Variants in POU3F3 observed in about 807,000 individuals in gnomAD.
The protein encoded by POU3F3 is POU domain, class 3, transcription factor 3.
In POU3F3, 1 loss-of-function variant was observed where a neutral mutation model predicts 8.6. That is an observed-to-expected ratio of 0.12 (90% CI 0.04 to 0.55). The LOEUF (loss-of-function observed/expected upper bound fraction) is 0.55, where lower values mean the gene tolerates loss of function less well. Among genes scored for constraint, POU3F3 ranks in the 20% least tolerant of loss-of-function variants. POU3F3 has a pLI of 0.91. For synonymous variants in POU3F3, 418 were observed against 327.4 expected (o/e 1.28, Z -2.99); for missense variants, 577 against 690.7 (o/e 0.84, Z 1.84).
the POU3F3 span, among the ~76,000 whole-genome samples, chr2:104,897,466 G>C: frequency 6.6e-6 from 1 of 152,064 alleles, no homozygotes; most frequent in Admixed American, 6.6e-5. Context: ...CTGCAATAGT[G>C]AGAAGAAGGA....
Position 104,855,576 on chromosome 2 carries a change from G to T in POU3F3, c.66G>T (p.Val22=). The change falls in exon 1 of 1, where the codon GTG becomes GTT. Residue 22 remains valine, a synonymous_variant. Transcript: ENST00000361360. ...GCCTGCTCGCGGCCGGCTCTATTGTGCACTCGGACGCGGCAGGGGCTGGCG... is the reference window on the plus strand; with the variant it reads ...GCCTGCTCGCGGCCGGCTCTATTGTTCACTCGGACGCGGCAGGGGCTGGCG... ...GNSLLAAGSI[V]HSDAAGAGGG... 1.0e-6 allele frequency: 1 copy of T among 1,002,976 alleles called. No homozygotes were observed. The highest frequency in any genetic ancestry group is 1.2e-6 in the Non-Finnish European group (1 of 844,274). 62.1% of individuals were successfully genotyped at this position (1,002,976 alleles called of 1,614,324 possible). A position where few individuals can be genotyped will look rare whatever the true frequency, so the allele number is the denominator to read the frequency against.
chr2:104,920,846 C>A, the POU3F3 span, among the ~76,000 whole-genome samples: 1 of 152,146 alleles, frequency 6.6e-6, no homozygotes, highest in Admixed American at 6.5e-5. Flanking sequence ...CTATGTAGCT[C>A]TGCGCCATTA....
chr2:104,910,560 T>C, the POU3F3 span, among the ~76,000 whole-genome samples: 3 of 152,140 alleles, frequency 2.0e-5, no homozygotes, highest in Admixed American at 2.0e-4. Flanking sequence ...GAGGGTTAAT[T>C]GAGAGATGAT....
chr2:104,913,727 C>T, the POU3F3 span, among the ~76,000 whole-genome samples: 1 of 152,206 alleles, frequency 6.6e-6, no homozygotes, highest in African/African-American at 2.4e-5. Context: ...AACACACATA[C>T]AGAAAACGTA....
chr2:104,853,903 G>C (rs1186202749), upstream of POU3F3: 1 of 151,914 alleles, frequency 6.6e-6, no homozygotes, highest in Non-Finnish European at 1.5e-5. Flanking sequence ...AGGGAGGCTG[G>C]AGGACGACAG....
the POU3F3 span, among the ~76,000 whole-genome samples, chr2:104,897,299 A>G: frequency 1.3e-5 from 2 of 152,154 alleles, no homozygotes; most frequent in African/African-American, 4.8e-5. Flanking sequence ...CTTTATTCCT[A>G]CAGAAGCTGC....
Position 104,854,539 on chromosome 2 carries a change from T to A in POU3F3, c.-972T>A, listed in dbSNP as rs1454397674. ...TTCCTGTTCAATTTTTTCCTTGTTA[T>A]ATTTGTTTCCTAATTTCTGCCCAAA... On this transcript the variant is annotated 5_prime_UTR_variant, in exon 1 of 1. Transcript: ENST00000361360. This position sits in a 1 kb window ranked among gnomAD's most constrained non-coding sequence, Gnocchi z 4.5. 6.6e-6 allele frequency among the ~76,000 whole-genome samples: 1 copy of A among 152,212 alleles called. No homozygotes were observed. The highest frequency in any genetic ancestry group is 2.4e-5 in the African/African-American group (1 of 41,448).
chr2:104,917,066 A>G, the POU3F3 span, among the ~76,000 whole-genome samples: 9 of 152,202 alleles, frequency 5.9e-5, no homozygotes, highest in Non-Finnish European at 1.3e-4. Flanking sequence ...TTCTGCCCTC[A>G]GTCACCGGTG....
the POU3F3 span, among the ~76,000 whole-genome samples, chr2:104,914,476 T>G: frequency 6.6e-6 from 1 of 152,196 alleles, no homozygotes; most frequent in Non-Finnish European, 1.5e-5. Flanking sequence ...GACTTCTTTT[T>G]TATGAGGACA....
chr2:104,920,967 C>T, the POU3F3 span, among the ~76,000 whole-genome samples: 1 of 152,180 alleles, frequency 6.6e-6, no homozygotes, highest in Non-Finnish European at 1.5e-5. Flanking sequence ...AGATCCTGAT[C>T]CACACCTCCT....
chr2:104,921,119 G>C, the POU3F3 span, among the ~76,000 whole-genome samples: 1 of 152,172 alleles, frequency 6.6e-6, no homozygotes, highest in Non-Finnish European at 1.5e-5. Flanking sequence ...GAGAGGTCTA[G>C]TACTAAGAGA....
Position 104,854,883 on chromosome 2 carries a change from A to G in POU3F3, c.-628A>G, listed in dbSNP as rs1354032267. On this transcript the variant is annotated 5_prime_UTR_variant, in exon 1 of 1. Transcript: ENST00000361360. This position sits in a 1 kb window ranked among gnomAD's most constrained non-coding sequence, Gnocchi z 4.5. Reference sequence around the variant, plus strand: ...AGAGGAGAGAGCGGACAAGAGAAGGAGCGGGCCGGTTGCTGGTCATCCGTA... The same window carrying G: ...AGAGGAGAGAGCGGACAAGAGAAGGGGCGGGCCGGTTGCTGGTCATCCGTA... Among the ~76,000 whole-genome samples, 2 of 152,164 alleles carry G rather than the reference A, an allele frequency of 1.3e-5. No individual in the cohort carries two copies. The highest frequency in any genetic ancestry group is 4.8e-5 in the African/African-American group (2 of 41,438).
At chr2:104,911,109 G>A in the POU3F3 span, among the ~76,000 whole-genome samples, 2 of 151,990 alleles carry the variant, frequency 1.3e-5, no homozygotes, top group East Asian at 1.9e-4. Flanking sequence ...AGGGACAACC[G>A]TATGGTCAAA....
chr2:104,912,100 G>A, the POU3F3 span, among the ~76,000 whole-genome samples: 2 of 152,154 alleles, frequency 1.3e-5, no homozygotes. Context: ...CCAGCACCCA[G>A]GGTGCCGTCA....
At chr2:104,875,839 T>C in the POU3F3 span, among the ~76,000 whole-genome samples, 1,801 of 152,162 alleles carry the variant, frequency 0.012, 41 homozygotes, top group African/African-American at 0.041. Context: ...GCCTCAGCCT[T>C]CCAAGTAGCA....
the POU3F3 span, among the ~76,000 whole-genome samples, chr2:104,897,892 A>G: frequency 6.6e-6 from 1 of 152,222 alleles, no homozygotes; most frequent in East Asian, 1.9e-4. Flanking sequence ...CCTTATGAAG[A>G]TAGATTAAGA....
chr2:104,920,734 T>G, the POU3F3 span, among the ~76,000 whole-genome samples: 2 of 152,198 alleles, frequency 1.3e-5, no homozygotes, highest in South Asian at 2.1e-4. Flanking sequence ...TTGGGTATGC[T>G]ATACATGTAG....
At chr2:104,864,030 C>A in the POU3F3 span, among the ~76,000 whole-genome samples, 443 of 152,322 alleles carry the variant, frequency 2.9e-3, 4 homozygotes, top group African/African-American at 0.01. Context: ...CTCCGCTTCC[C>A]GCGTGTGGGA....
the POU3F3 span, among the ~76,000 whole-genome samples, chr2:104,864,191 A>G: frequency 6.6e-6 from 1 of 152,228 alleles, no homozygotes; most frequent in Admixed American, 6.5e-5. Context: ...GCAGCAGGGC[A>G]AGGCAGGGAC....
Sources: gnomAD v4.1 joint callset for allele counts (sites outside exome capture counted in the v4.1 genomes callset) on GRCh38, gnomAD v4.1.1 for gene constraint, Gnocchi (gnomAD v3.1) non-coding constraint, MANE v1.5 for transcripts, NCBI Gene and HGNC (gene_info 2026-07-23, HGNC 2026-07-21) for gene names.